LRP1B: variants seen among roughly 807,000 people sequenced by gnomAD.
LRP1B encodes the protein low-density lipoprotein receptor-related protein 1B.
A neutral mutation model predicts 556.6 loss-of-function variants in LRP1B; 217 were observed. The ratio of observed to expected loss-of-function variants is 0.39; its 90% confidence interval spans 0.35 to 0.44. The LOEUF is 0.44. Among genes scored for constraint, LRP1B ranks in the 20% least tolerant of loss-of-function variants. LRP1B has a pLI of 1.00. For synonymous variants in LRP1B, 2,047 were observed against 1,865.8 expected (o/e 1.10, Z -2.50); for missense variants, 5,053 against 5,620.8 (o/e 0.90, Z 3.23).
chr2:141,750,433 C>T (rs1349129512), intron 2 of LRP1B, among the ~76,000 whole-genome samples: 2 of 152,120 alleles, frequency 1.3e-5, no homozygotes, highest in African/African-American at 2.4e-5. Context: ...TACATAGCTT[C>T]TTCCCTCTGA....
chr2:142,048,234 A>G (rs1704326206), intron 1 of LRP1B, among the ~76,000 whole-genome samples: 1 of 152,068 alleles, frequency 6.6e-6, no homozygotes, highest in East Asian at 1.9e-4. Context: ...ATGGAATTAT[A>G]AATGTCCATT....
intron 2 of LRP1B, among the ~76,000 whole-genome samples, chr2:141,547,023 C>A (rs771509410): frequency 2.6e-5 from 4 of 152,128 alleles, no homozygotes; most frequent in Admixed American, 6.6e-5. Context: ...CAAATGGAAA[C>A]CTTCAGTTTT....
intron 2 of LRP1B, among the ~76,000 whole-genome samples, chr2:141,801,007 G>A (rs191152695): frequency 1.4e-4 from 21 of 152,166 alleles, no homozygotes; most frequent in South Asian, 8.3e-4. Context: ...ATTGCCTAAC[G>A]TGCACATTTG....
At chr2:141,046,211 C>G (rs1351998600) in intron 11 of LRP1B, among the ~76,000 whole-genome samples, 1 of 152,108 alleles carries the variant, frequency 6.6e-6, no homozygotes, top group East Asian at 1.9e-4. Context: ...TCTTTATACC[C>G]TTGTACTTCA....
At chr2:140,628,922 T>G (rs959279846) in intron 41 of LRP1B, among the ~76,000 whole-genome samples, 1 of 152,160 alleles carries the variant, frequency 6.6e-6, no homozygotes, top group Non-Finnish European at 1.5e-5. Flanking sequence ...GGCCATGCCT[T>G]GCTTCCTCTT....
chr2:140,948,489 G>A (rs1420166896), intron 20 of LRP1B, among the ~76,000 whole-genome samples: 5 of 152,162 alleles, frequency 3.3e-5, no homozygotes, highest in Non-Finnish European at 7.3e-5. Context: ...ATGAGCTAGA[G>A]GTAAAGAGAG....
At chr2:141,034,082 A>T (rs1026054472) in intron 11 of LRP1B, among the ~76,000 whole-genome samples, 1 of 152,200 alleles carries the variant, frequency 6.6e-6, no homozygotes, top group Middle Eastern at 3.4e-3. Context: ...TAAGGCCTTT[A>T]AAAAAATCTC....
intron 1 of LRP1B, among the ~76,000 whole-genome samples, chr2:141,865,599 A>G (rs1179927782): frequency 7.7e-6 from 1 of 129,040 alleles, no homozygotes; most frequent in Non-Finnish European, 1.8e-5. Context: ...CTCAAAAAAA[A>G]AAAAAAAAGA....
chr2:141,960,309 C>A (rs1384830324), intron 1 of LRP1B, among the ~76,000 whole-genome samples: 1 of 151,782 alleles, frequency 6.6e-6, no homozygotes, highest in Non-Finnish European at 1.5e-5. Flanking sequence ...CTTGATGCCC[C>A]CAGCCACCAC....
chr2:141,817,579 A>G (rs960807281), intron 1 of LRP1B, among the ~76,000 whole-genome samples: 1 of 152,122 alleles, frequency 6.6e-6, no homozygotes, highest in Non-Finnish European at 1.5e-5. Flanking sequence ...GCTAATTTAT[A>G]TTTTCTCATT....
In LRP1B at chr2:140,545,997, A is replaced by AG. The variant is rs1258187846; in HGVS notation, c.7195-4027dup. Among the ~76,000 whole-genome samples, 772 of 101,672 alleles carry AG rather than the reference A, an allele frequency of 7.6e-3. 6 individuals carry two copies. The highest frequency in any genetic ancestry group is 0.026 in the African/African-American group (698 of 26,340). 66.7% of individuals were successfully genotyped at this position (101,672 alleles called of 152,430 possible). A position where few individuals can be genotyped will look rare whatever the true frequency, so the allele number is the denominator to read the frequency against. ...CACCTCACTGGTTAGCTGTATTATT[A>AG]GGTTGTGTGTGTGTGTGTGTGTGTG... On this transcript the variant is annotated intron_variant, in intron 43 of 90. Coordinates refer to ENST00000389484, the MANE Select transcript of LRP1B (RefSeq NM_018557.3).
chr2:140,719,646 T>C (rs1204170252), intron 35 of LRP1B, among the ~76,000 whole-genome samples: 1 of 152,046 alleles, frequency 6.6e-6, no homozygotes, highest in African/African-American at 2.4e-5. Flanking sequence ...CTCAATATAG[T>C]CACATGTACT....
At chr2:140,605,818 T>C (rs1682847793) in intron 41 of LRP1B, among the ~76,000 whole-genome samples, 1 of 152,052 alleles carries the variant, frequency 6.6e-6, no homozygotes, top group South Asian at 2.1e-4. Flanking sequence ...CCTTTCATTA[T>C]AAAAATATTC....
rs1357356524 is a variant in LRP1B, at chr2:141,096,505, T to G, written c.1014-34232A>C. On this transcript the variant is annotated intron_variant, in intron 7 of 90. Transcript: ENST00000389484. Reference sequence around the variant, plus strand: ...GGGGAGGCTGAGGCAGGAGAATCGCTTGAATTGCTAAATTATGTAACACAC... The same window carrying G: ...GGGGAGGCTGAGGCAGGAGAATCGCGTGAATTGCTAAATTATGTAACACAC... 3.3e-5 allele frequency among the ~76,000 whole-genome samples: 5 copies of G among 151,948 alleles called. No individual in the cohort carries two copies. In the East Asian group the frequency reaches 9.7e-4, roughly 29 times the overall value.
chr2:141,820,871 C>T (rs569766863), intron 1 of LRP1B, among the ~76,000 whole-genome samples: 1 of 152,198 alleles, frequency 6.6e-6, no homozygotes. Flanking sequence ...AGATCACATC[C>T]TAATTCCTGG....
intron 2 of LRP1B, among the ~76,000 whole-genome samples, chr2:141,504,664 C>T (rs566621296): frequency 1.3e-5 from 2 of 151,982 alleles, no homozygotes; most frequent in African/African-American, 2.4e-5. Flanking sequence ...GTTGTAATCA[C>T]CAAAGGATCA....
intron 2 of LRP1B, among the ~76,000 whole-genome samples, chr2:141,598,917 A>T (rs1350268238): frequency 6.6e-6 from 1 of 152,068 alleles, no homozygotes; most frequent in African/African-American, 2.4e-5. Flanking sequence ...AAGACTGCTG[A>T]TCAGACAACA....
chr2:140,950,486 G>T, intron 19 of LRP1B, 84 bp from the exon 20 acceptor site: 1 of 1,163,174 alleles, frequency 8.6e-7, no homozygotes, highest in Non-Finnish European at 1.2e-6. Context: ...GGTTTCTGTT[G>T]TTGTTGTTGT....
intron 2 of LRP1B, among the ~76,000 whole-genome samples, chr2:141,752,628 C>T (rs992579072): frequency 4.0e-5 from 6 of 151,690 alleles, no homozygotes; most frequent in African/African-American, 1.5e-4. Flanking sequence ...ACACTTCAAA[C>T]CAAATAAATC....
Sources: gnomAD v4.1 joint callset for allele counts (sites outside exome capture counted in the v4.1 genomes callset) on GRCh38, gnomAD v4.1.1 for gene constraint, MANE v1.5 for transcripts, NCBI Gene and HGNC (gene_info 2026-07-23, HGNC 2026-07-21) for gene names.